POLA1: variants seen among roughly 807,000 people sequenced by gnomAD.
POLA1 encodes DNA polymerase alpha 1, catalytic subunit.
In POLA1, 15 loss-of-function variants were observed where a neutral mutation model predicts 124.0. The observed-to-expected ratio is 0.12, with a 90% CI of 0.08 to 0.19. The LOEUF (loss-of-function observed/expected upper bound fraction) is 0.19. POLA1 is among the 10% of genes least tolerant of loss of function. The pLI, the probability that POLA1 is intolerant of heterozygous loss-of-function variation, is 1.00. For missense variants in POLA1, 886 were observed against 1,103.4 expected, an observed-to-expected ratio of 0.80 and a Z score of 2.79; for synonymous variants, 408 against 389.4, an observed-to-expected ratio of 1.05 and a Z score of -0.56.
At chrX:24,879,167 T>C (rs966614712) in intron 34 of POLA1, among the ~76,000 whole-genome samples, 1 of 111,274 alleles carries the variant, frequency 9.0e-6, no homozygotes, top group Non-Finnish European at 1.9e-5. Flanking sequence ...AGGAATGGCG[T>C]TGGAAGTAAT....
intron 26 of POLA1, among the ~76,000 whole-genome samples, chrX:24,762,975 T>C (rs369608067): frequency 8.4e-4 from 93 of 111,245 alleles, no homozygotes; most frequent in African/African-American, 2.9e-3. Flanking sequence ...TAACCTCAAA[T>C]GATCCACCCA....
At chrX:24,699,610 T>C in intron 2 of POLA1, 61 bp downstream of exon 2, 1 of 914,110 alleles carries the variant, frequency 1.1e-6, no homozygotes, top group Non-Finnish European at 1.5e-6. Context: ...AGCCTGCAGG[T>C]AGTCTTATGT....
At chrX:24,788,935 C>T (rs759994466) in intron 26 of POLA1, 2 of 1,206,331 alleles carry the variant, frequency 1.7e-6, no homozygotes, top group Non-Finnish European at 1.1e-6. Flanking sequence ...AGTCGGCAGG[C>T]AGTGGGCTGG....
intron 36 of POLA1, among the ~76,000 whole-genome samples, chrX:24,969,299 A>T (rs1482147970): frequency 9.0e-6 from 1 of 111,189 alleles, no homozygotes; most frequent in Non-Finnish European, 1.9e-5. Context: ...AGAACCCTTT[A>T]TCTCCCACTT....
chrX:24,984,763 C>T, intron 36 of POLA1, among the ~76,000 whole-genome samples: 1 of 106,854 alleles, frequency 9.4e-6, no homozygotes, highest in Admixed American at 1.0e-4. Flanking sequence ...GGGTTCACGC[C>T]ATTCTCCTGC....
chrX:24,878,695 G>A (rs1247259045), intron 34 of POLA1, among the ~76,000 whole-genome samples: 1 of 105,699 alleles, frequency 9.5e-6, no homozygotes, highest in African/African-American at 3.5e-5. Flanking sequence ...TTGCTTATGT[G>A]ATTAAATGGA....
intron 15 of POLA1, among the ~76,000 whole-genome samples, chrX:24,728,224 A>G (rs754392139): frequency 2.7e-5 from 3 of 112,504 alleles, no homozygotes; most frequent in East Asian, 5.6e-4. Flanking sequence ...CCAATCACTC[A>G]TATTCAGCAG....
At chrX:24,782,301 G>A (rs2045281935) in intron 26 of POLA1, among the ~76,000 whole-genome samples, 1 of 112,002 alleles carries the variant, frequency 8.9e-6, no homozygotes, top group Non-Finnish European at 1.9e-5. Context: ...GGACACACCT[G>A]CCACAGAGAC....
At position 24,748,924 on chromosome X, in the gene POLA1, C is replaced by T. The variant is rs1209002544; in HGVS notation, c.2896C>T (p.Leu966=). Residue 966 remains leucine (L), a synonymous_variant, in exon 26 of 37, where the codon CTG becomes TTG. Transcript: ENST00000379068. ...KLTANSMYGC[L]GFSYSRFYAK... The stretch of plus-strand genomic sequence containing the variant: ...CACAGCGAACAGTATGTATGGTTGC[C>T]TGGGATTTTCCTATAGCAGATTTTA... 1 of 1,205,458 alleles carries T rather than the reference C, an allele frequency of 8.3e-7. No individual in the cohort carries two copies. The highest frequency in any genetic ancestry group is 1.1e-6 in the Non-Finnish European group (1 of 889,745).
chrX:24,984,754 G>T (rs1001118293), intron 36 of POLA1, among the ~76,000 whole-genome samples: 3 of 105,615 alleles, frequency 2.8e-5, no homozygotes, highest in Non-Finnish European at 5.8e-5. Flanking sequence ...CCGCCTCCCG[G>T]GTTCACGCCA....
Position 24,813,445 on chromosome X carries a change from A to T in POLA1, c.3296+582A>T, listed in dbSNP as rs186291707. Among the ~76,000 whole-genome samples, 5 of 112,270 alleles carry T rather than the reference A, an allele frequency of 4.5e-5. No individual in the cohort carries two copies. In the East Asian group the frequency reaches 8.3e-4, roughly 19 times the overall value. ...ATCATGATTGACCTCCTAGCTTTGC[A>T]CCTGAGACTGAAGAATGTGATAATA... On this transcript the variant is annotated intron_variant, in intron 29 of 36. Transcript: ENST00000379068.
At chrX:24,751,001 G>A (rs1327326061) in intron 26 of POLA1, among the ~76,000 whole-genome samples, 1 of 112,012 alleles carries the variant, frequency 8.9e-6, no homozygotes, top group Admixed American at 9.5e-5. Flanking sequence ...TTCTTTACAA[G>A]TATCCAGTGG....
At chrX:24,958,969 T>C (rs1276507316) in intron 36 of POLA1, among the ~76,000 whole-genome samples, 5 of 111,953 alleles carry the variant, frequency 4.5e-5, no homozygotes, top group African/African-American at 1.6e-4. Flanking sequence ...ATCTCCTAGA[T>C]AGATCCACTG....
intron 30 of POLA1, among the ~76,000 whole-genome samples, chrX:24,815,757 C>T (rs915357064): frequency 2.4e-4 from 27 of 111,167 alleles, no homozygotes; most frequent in African/African-American, 7.8e-4. Context: ...TGGTAGATTT[C>T]GTTGTCAAAG....
At chrX:24,925,014 A>G (rs779524197) in intron 35 of POLA1, among the ~76,000 whole-genome samples, 23 of 111,868 alleles carry the variant, frequency 2.1e-4, no homozygotes, top group Middle Eastern at 4.6e-3. Context: ...CTAGACATGT[A>G]CCTCATGATC....
intron 36 of POLA1, among the ~76,000 whole-genome samples, chrX:24,976,061 G>A (rs1268795250): frequency 1.8e-5 from 2 of 112,184 alleles, no homozygotes; most frequent in Admixed American, 9.4e-5. Context: ...CTTTAATACC[G>A]ACAAGTATAT....
chrX:24,729,349 C>A (rs186369657), intron 15 of POLA1, among the ~76,000 whole-genome samples: 1 of 111,411 alleles, frequency 9.0e-6, no homozygotes, highest in Admixed American at 9.5e-5. Flanking sequence ...CAGATGTCCC[C>A]GGGTCAGGGG....
In POLA1 at chrX:24,736,998, G is replaced by A. The variant is rs11573357; in HGVS notation, c.1924-627G>A. On this transcript the variant is annotated intron_variant, in intron 18 of 36. Coordinates refer to ENST00000379068, the MANE Select transcript of POLA1 (RefSeq NM_001330360.2). ...ATCATGTTCACGTGTTGGAAATTACGGAAATGAAAAATCTAGTTGCATTTT... is the reference window on the plus strand; with the variant it reads ...ATCATGTTCACGTGTTGGAAATTACAGAAATGAAAAATCTAGTTGCATTTT... Among the ~76,000 whole-genome samples, 23 of 111,578 alleles carry A rather than the reference G, an allele frequency of 2.1e-4. No homozygotes were observed. In the East Asian group the frequency reaches 6.1e-3, roughly 30 times the overall value.
chrX:24,977,660 T>G (rs1428024866), intron 36 of POLA1, among the ~76,000 whole-genome samples: 4 of 112,547 alleles, frequency 3.6e-5, no homozygotes, highest in Non-Finnish European at 7.5e-5. Flanking sequence ...AATTATGTTT[T>G]AATTTCTAAG....
Sources: allele counts gnomAD v4.1 joint callset (sites outside exome capture counted in the v4.1 genomes callset), GRCh38; gene constraint gnomAD v4.1.1; transcripts MANE v1.5; gene names NCBI Gene and HGNC (gene_info 2026-07-23, HGNC 2026-07-21).